Variants in C7 observed in about 807,000 individuals in gnomAD.
C7 encodes the protein complement component C7.
A neutral mutation model predicts 104.8 loss-of-function variants in C7; 83 were observed. That is an observed-to-expected ratio of 0.79 (90% CI 0.66 to 0.95). The LOEUF (loss-of-function observed/expected upper bound fraction) is 0.95, where lower values mean the gene tolerates loss of function less well. Among genes scored for constraint, C7 ranks in the 40% least tolerant of loss-of-function variants. The pLI is 0.00. For missense variants in C7, 1,070 were observed against 1,011.2 expected (o/e 1.06, Z -0.79); for synonymous variants, 415 against 360.6 (o/e 1.15, Z -1.71).
intron 12 of C7, 59 bp downstream of exon 12, chr5:40,959,679 A>G: frequency 7.9e-7 from 1 of 1,265,036 alleles, no homozygotes; most frequent in Non-Finnish European, 1.1e-6. Context: ...TGCAGTTAGC[A>G]TGGAACACAT....
Position 40,982,130 on chromosome 5 carries a change from T to A in C7, c.*557T>A, listed in dbSNP as rs962885350. 1 of 152,250 alleles carries A rather than the reference T, an allele frequency of 6.6e-6. No individual in the cohort carries two copies. Among genetic ancestry groups the A allele is most frequent in the Non-Finnish European group, 1.5e-5 (1 of 68,026 alleles). 9.4% of individuals were successfully genotyped at this position (152,250 alleles called of 1,614,324 possible). ...ATCCTATAGAGTCAACCACCACAGA[T>A]AGGAATTCCTTATTCTTTTTTTAAT... On this transcript the variant is annotated 3_prime_UTR_variant, in exon 18 of 18. Transcript: ENST00000313164.
At chr5:40,925,668 A>C (rs911938134) in intron 1 of C7, among the ~76,000 whole-genome samples, 2 of 152,142 alleles carry the variant, frequency 1.3e-5, no homozygotes, top group African/African-American at 4.8e-5. Context: ...TATAAAGAAA[A>C]GAGGTTTAAT....
chr5:40,968,592 ATATATATATTTTTTTTTTTTTTT>A (rs1341911427), intron 14 of C7, among the ~76,000 whole-genome samples: 4,142 of 30,982 alleles, frequency 0.13, 30 homozygotes, highest in South Asian at 0.17. Context: ...ATATATATAT[ATATATATATTTTTTTTTTTTTTT>A]TTTTTTTTTT....
At chr5:40,931,455 T>C (rs888087497) in intron 3 of C7, among the ~76,000 whole-genome samples, 3 of 152,226 alleles carry the variant, frequency 2.0e-5, no homozygotes, top group Non-Finnish European at 2.9e-5. Context: ...TAACATAGAA[T>C]GACATTTTTA....
chr5:40,969,566 ATGTCT>A (rs1561258140), intron 14 of C7, among the ~76,000 whole-genome samples: 1 of 152,168 alleles, frequency 6.6e-6, no homozygotes, highest in East Asian at 1.9e-4. Context: ...AGGCTGGCTT[ATGTCT>A]GGGTTATCTC....
Position 40,950,085 on chromosome 5 carries a change from C to T in C7, c.1093+71C>T, listed in dbSNP as rs140240204. On this transcript the variant is annotated intron_variant, in intron 9 of 17. Transcript: ENST00000313164. Reference sequence around the variant, plus strand: ...TTTTTTACTTTTAAGTTCAAGGGTACGCGTGAAGTTATGTAGGTAAACTTG... The same window carrying T: ...TTTTTTACTTTTAAGTTCAAGGGTATGCGTGAAGTTATGTAGGTAAACTTG... The T allele has an allele frequency of 2.3e-4, 193 of 855,256 alleles. No homozygotes were observed. In the Middle Eastern group the frequency reaches 2.4e-3, roughly 10 times the overall value. The allele number at this position is 855,256 out of a possible 1,614,324, so 53.0% of individuals were successfully genotyped here.
At chr5:40,975,654 G>A (rs1005282195) in intron 15 of C7, among the ~76,000 whole-genome samples, 7 of 152,046 alleles carry the variant, frequency 4.6e-5, no homozygotes, top group African/African-American at 4.8e-5. Context: ...GTGAGCCACC[G>A]CGCCCAGCCA....
At chr5:40,937,025 G>A (rs1433894412) in intron 5 of C7, among the ~76,000 whole-genome samples, 1 of 152,090 alleles carries the variant, frequency 6.6e-6, no homozygotes, top group Non-Finnish European at 1.5e-5. Context: ...AGGGTCATAT[G>A]ACTTGTTAAG....
intron 4 of C7, among the ~76,000 whole-genome samples, chr5:40,935,065 T>A (rs1739784460): frequency 6.6e-6 from 1 of 152,288 alleles, no homozygotes; most frequent in East Asian, 1.9e-4. Context: ...AATATTAAAG[T>A]TTTATGGGCA....
At chr5:40,951,731 A>G (rs1179736178) in intron 9 of C7, among the ~76,000 whole-genome samples, 5 of 152,148 alleles carry the variant, frequency 3.3e-5, no homozygotes, top group Non-Finnish European at 7.4e-5. Flanking sequence ...TCAGAGTTTA[A>G]ATCCTCTTGG....
At chr5:40,925,697 G>A (rs183747863) in intron 1 of C7, among the ~76,000 whole-genome samples, 50 of 152,276 alleles carry the variant, frequency 3.3e-4, no homozygotes, top group Non-Finnish European at 5.9e-4. Context: ...GGTTCTGTAG[G>A]CTGTACAAGC....
chr5:40,969,788 A>G (rs1378365942), intron 14 of C7, among the ~76,000 whole-genome samples: 2 of 151,520 alleles, frequency 1.3e-5, no homozygotes, highest in Non-Finnish European at 2.9e-5. Context: ...TTTTTAATTT[A>G]CAAATACCTC....
At chr5:40,956,166 C>T (rs2111657328) in intron 10 of C7, among the ~76,000 whole-genome samples, 1 of 152,164 alleles carries the variant, frequency 6.6e-6, no homozygotes, top group South Asian at 2.1e-4. Context: ...AAGACAGGTG[C>T]CAATAAAAAT....
intron 6 of C7, among the ~76,000 whole-genome samples, chr5:40,940,388 A>C (rs1487242778): frequency 1.3e-5 from 2 of 152,184 alleles, no homozygotes; most frequent in Non-Finnish European, 2.9e-5. Context: ...TCAGCCTGAG[A>C]GATAGCAGAG....
At position 40,919,568 on chromosome 5, in the gene C7, A is replaced by G. The variant is rs189394107; in HGVS notation, c.7-9012A>G. 1.3e-4 allele frequency among the ~76,000 whole-genome samples: 20 copies of G among 152,250 alleles called. No homozygotes were observed. The East Asian group carries it at 3.9e-3, about 29-fold the overall frequency. On this transcript the variant is annotated intron_variant, in intron 1 of 17. Transcript: ENST00000313164. ...CTTAAGTCCAGGAGTTCAAGGCTGC[A>G]GTAGCTATGACTGTGCGAGTGCACT...
chr5:40,948,170 T>A (rs1462711723), intron 8 of C7, among the ~76,000 whole-genome samples: 1 of 152,170 alleles, frequency 6.6e-6, no homozygotes, highest in Non-Finnish European at 1.5e-5. Context: ...AAAAACTAAA[T>A]GAGGAATTTA....
At chr5:40,953,243 T>A (rs562218437) in intron 9 of C7, among the ~76,000 whole-genome samples, 1 of 152,212 alleles carries the variant, frequency 6.6e-6, no homozygotes, top group East Asian at 1.9e-4. Flanking sequence ...GTTAAAAAAA[T>A]TGATCTCATG....
At chr5:40,960,568 C>A (rs553537660) in intron 12 of C7, among the ~76,000 whole-genome samples, 1 of 152,096 alleles carries the variant, frequency 6.6e-6, no homozygotes, top group South Asian at 2.1e-4. Context: ...TGAGAGGATG[C>A]ATTTTTCCTG....
intron 8 of C7, 85 bp downstream of exon 8, chr5:40,947,930 C>G (rs1183479614): frequency 7.4e-7 from 1 of 1,356,822 alleles, no homozygotes; most frequent in Non-Finnish European, 1.0e-6. Context: ...AGCTTTTGAG[C>G]TTTAAAATTT....
Sources: gnomAD v4.1 joint callset for allele counts (sites outside exome capture counted in the v4.1 genomes callset) on GRCh38, gnomAD v4.1.1 for gene constraint, MANE v1.5 for transcripts, NCBI Gene and HGNC (gene_info 2026-07-23, HGNC 2026-07-21) for gene names.